TRNAU1AP: variants seen among roughly 807,000 people sequenced by gnomAD.
The protein encoded by TRNAU1AP is tRNA selenocysteine 1 associated protein 1.
TRNAU1AP carries 33 observed loss-of-function variants against 43.3 expected under a neutral mutation model. The observed-to-expected ratio is 0.76, with a 90% confidence interval of 0.58 to 1.02. TRNAU1AP has a LOEUF of 1.02. TRNAU1AP is among the 50% of genes least tolerant of loss of function. The pLI is 0.00. For synonymous variants in TRNAU1AP, 143 were observed against 129.1 expected, an observed-to-expected ratio of 1.11 and a Z score of -0.73; for missense variants, 290 against 362.7, an observed-to-expected ratio of 0.80 and a Z score of 1.63.
In TRNAU1AP at chr1:28,578,237, A is replaced by C. The variant is rs1665853300; in HGVS notation, c.*601A>C. 6.2e-6 allele frequency: 1 copy of C among 160,088 alleles called. No homozygotes were observed. The highest frequency in any genetic ancestry group is 2.4e-5 in the African/African-American group (1 of 41,486). 9.9% of individuals were successfully genotyped at this position (160,088 alleles called of 1,614,324 possible). ...ACAAGGCCTGGATCACTTTAGGATC[A>C]ATATTTTGACACGGGAGAAGGCAGC... is the stretch of plus-strand genomic sequence containing the variant. On this transcript the variant is annotated 3_prime_UTR_variant, in exon 9 of 9. Transcript: ENST00000373830.
chr1:28,563,469 G>A (rs565534533), intron 4 of TRNAU1AP, among the ~76,000 whole-genome samples: 12 of 152,056 alleles, frequency 7.9e-5, no homozygotes, highest in African/African-American at 2.7e-4. Flanking sequence ...GATCACCTGC[G>A]GTCGGGAGTT....
intron 6 of TRNAU1AP, among the ~76,000 whole-genome samples, chr1:28,570,364 C>T (rs890858714): frequency 6.6e-6 from 1 of 151,988 alleles, no homozygotes; most frequent in Non-Finnish European, 1.5e-5. Flanking sequence ...TCTCCTGCCT[C>T]AGCTTCACAA....
At chr1:28,576,484 A>T (rs1323409393) in intron 8 of TRNAU1AP, among the ~76,000 whole-genome samples, 1 of 134,948 alleles carries the variant, frequency 7.4e-6, no homozygotes, top group Non-Finnish European at 1.6e-5. Context: ...ACGCCCAGCT[A>T]ATTTTTCTAT....
In TRNAU1AP at chr1:28,564,781, C is replaced by T; in HGVS notation, c.357C>T (p.Val119=). 6.2e-7 allele frequency: 1 copy of T among 1,614,180 alleles called. No individual in the cohort carries two copies. Among genetic ancestry groups the T allele is most frequent in the Non-Finnish European group, 8.5e-7 (1 of 1,180,032 alleles). Residue 119 remains valine, a synonymous_variant, in exon 5 of 9, where the codon GTC becomes GTT. Coordinates refer to ENST00000373830, the MANE Select transcript of TRNAU1AP (RefSeq NM_017846.5). ...DGMLYEFFVK[V]YPSCRGGKVV... is the part of the protein sequence containing the mutation. ...TGCTGTATGAATTCTTCGTCAAAGT[C>T]TACCCCTCCTGTCGGGGAGGCAAGG...
intron 7 of TRNAU1AP, 70 bp downstream of exon 7, chr1:28,571,408 G>A (rs1243698841): frequency 3.3e-6 from 5 of 1,529,234 alleles, no homozygotes; most frequent in Non-Finnish European, 4.5e-6. Context: ...CATTCTCTAG[G>A]ATGGGATTGG....
chr1:28,561,379 G>A lies in TRNAU1AP; in HGVS notation c.259G>A (p.Gly87Arg). 6.2e-7 allele frequency: 1 copy of A among 1,614,032 alleles called. No individual in the cohort carries two copies. The highest frequency in any genetic ancestry group is 8.5e-7 in the Non-Finnish European group (1 of 1,179,998). ...KRFKLNYATY[G>R]KQPDNSPEYS... The stretch of plus-strand genomic sequence containing the variant: ...TTTTAAACTGAACTATGCCACTTAC[G>A]GGAAACAACCAGATAACAGGTAGGT... The change falls in exon 4 of 9, where the codon GGG becomes AGG. Residue 87 changes from glycine to arginine, a missense_variant. Physicochemically the swap from Gly to Arg is moderately radical, Grantham distance 125. This residue lies in a region of TRNAU1AP where 174 missense variants were observed against 262.1 expected (regional missense o/e 0.66). Transcript: ENST00000373830.
intron 2 of TRNAU1AP, among the ~76,000 whole-genome samples, chr1:28,555,496 CTTTT>C (rs958204626): frequency 3.6e-5 from 5 of 140,534 alleles, no homozygotes; most frequent in African/African-American, 5.2e-5. Flanking sequence ...TACTCTTTTC[CTTTT>C]TTTTTTTTTT....
chr1:28,561,799 G>A (rs547876126), intron 4 of TRNAU1AP, among the ~76,000 whole-genome samples: 7 of 152,218 alleles, frequency 4.6e-5, no homozygotes, highest in South Asian at 2.1e-4. Context: ...ATGGCCGGGT[G>A]TGGTGGCTCA....
chr1:28,572,817 C>A (rs899900788), intron 8 of TRNAU1AP, among the ~76,000 whole-genome samples: 74 of 151,334 alleles, frequency 4.9e-4, no homozygotes, highest in Non-Finnish European at 5.9e-5. Flanking sequence ...CGCCTGTAGT[C>A]CCAGCTACTC....
rs974395102 is a variant in TRNAU1AP, at chr1:28,573,697, C to T, written c.727+1797C>T. Among the ~76,000 whole-genome samples the T allele has an allele frequency of 4.6e-5, 7 of 151,744 alleles. No individual in the cohort carries two copies. The South Asian group carries it at 1.0e-3, about 23-fold the overall frequency. The stretch of plus-strand genomic sequence containing the variant: ...CTGAGGCAGGAGAATCACTTGAACC[C>T]GGGAGGCGGAAGTTGCAGTGAGTCG... On this transcript the variant is annotated intron_variant, in intron 8 of 8. Transcript: ENST00000373830.
intron 5 of TRNAU1AP, among the ~76,000 whole-genome samples, chr1:28,566,720 T>C (rs546582397): frequency 2.0e-4 from 30 of 149,932 alleles, no homozygotes; most frequent in Non-Finnish European, 3.8e-4. Context: ...GATCACGCCA[T>C]TGCACTCCAG....
chr1:28,560,542 T>G, intron 2 of TRNAU1AP, 91 bp from the exon 3 acceptor site: 1 of 1,035,960 alleles, frequency 9.7e-7, no homozygotes, highest in Non-Finnish European at 1.5e-6. Flanking sequence ...TCCCAAACTG[T>G]TGGGATTATA....
chr1:28,560,307 C>G (rs1160861809), intron 2 of TRNAU1AP, among the ~76,000 whole-genome samples: 1 of 146,356 alleles, frequency 6.8e-6, no homozygotes, highest in Admixed American at 6.9e-5. Context: ...AAAACAGTCT[C>G]AAACCAGCCT....
chr1:28,561,193 G>A (rs558902224), intron 3 of TRNAU1AP, 153 bp from the exon 4 acceptor site: 186 of 1,466,308 alleles, frequency 1.3e-4, no homozygotes, highest in Non-Finnish European at 1.6e-4. Flanking sequence ...GCGGTCATCC[G>A]TGCAACCCCC....
In TRNAU1AP at chr1:28,572,929, C is replaced by T. The variant is rs191180649; in HGVS notation, c.727+1029C>T. On this transcript the variant is annotated intron_variant, in intron 8 of 8. Transcript: ENST00000373830. Reference sequence around the variant, plus strand: ...CAGCCTGGGAGACAGAGCGAGACTCCGTCTCAAAAAAAAAGAAAAAGAAAA... The same window carrying T: ...CAGCCTGGGAGACAGAGCGAGACTCTGTCTCAAAAAAAAAGAAAAAGAAAA... 1.3e-3 allele frequency among the ~76,000 whole-genome samples: 185 copies of T among 147,280 alleles called. 3 individuals are homozygous for T. In the East Asian group the frequency reaches 0.02, roughly 16 times the overall value.
At chr1:28,553,923 C>G in intron 2 of TRNAU1AP, 186 bp downstream of exon 2, 1 of 566,730 alleles carries the variant, frequency 1.8e-6, no homozygotes, top group Non-Finnish European at 3.2e-6. Context: ...ACTTGCCAGG[C>G]GTTGTGACTC....
chr1:28,576,725 G>A (rs755763018), intron 8 of TRNAU1AP, among the ~76,000 whole-genome samples: 6 of 152,112 alleles, frequency 3.9e-5, no homozygotes, highest in South Asian at 2.1e-4. Context: ...TCAGCCTCCC[G>A]AGTAGTTGGG....
intron 5 of TRNAU1AP, among the ~76,000 whole-genome samples, chr1:28,566,263 C>T (rs1466720752): frequency 6.8e-6 from 1 of 147,608 alleles, no homozygotes; most frequent in African/African-American, 2.5e-5. Context: ...TGCAGTGAGC[C>T]AAGATCGTGC....
chr1:28,554,222 A>AAAAAAAAAAAAAAAC (rs1553121340), intron 2 of TRNAU1AP, among the ~76,000 whole-genome samples: 2 of 142,736 alleles, frequency 1.4e-5, no homozygotes, highest in Non-Finnish European at 1.5e-5. Context: ...ACAAAAAAAC[A>AAAAAAAAAAAAAAAC]AAAAACGCAG....
Sources: allele counts gnomAD v4.1 joint callset (sites outside exome capture counted in the v4.1 genomes callset), GRCh38; gene constraint gnomAD v4.1.1; regional missense constraint gnomAD v4.1.1; transcripts MANE v1.5; gene names NCBI Gene and HGNC (gene_info 2026-07-23, HGNC 2026-07-21).